The following ADAMTSL1 variants were observed in gnomAD, a reference collection of about 807,000 sequenced individuals.
ADAMTSL1 encodes ADAMTS-like protein 1.
ADAMTSL1 carries 126 observed loss-of-function variants against 201.8 expected under a neutral mutation model. That is an observed-to-expected ratio of 0.62 (90% CI 0.54 to 0.72). The LOEUF (loss-of-function observed/expected upper bound fraction) is 0.72, where lower values mean the gene tolerates loss of function less well. ADAMTSL1 is among the 30% of genes least tolerant of loss of function. ADAMTSL1 has a pLI of 0.00. For synonymous variants in ADAMTSL1, 1,121 were observed against 903.4 expected, an observed-to-expected ratio of 1.24 and a Z score of -4.32; for missense variants, 2,679 against 2,277.8, an observed-to-expected ratio of 1.18 and a Z score of -3.59.
intron 15 of ADAMTSL1, 88 bp from the exon 16 acceptor site, chr9:18,753,210 A>T: frequency 7.7e-7 from 1 of 1,301,618 alleles, no homozygotes; most frequent in Non-Finnish European, 1.1e-6. Flanking sequence ...TTTCCCAGTT[A>T]GGGGTTTTAA....
chr9:18,759,854 C>T (rs1588057598), intron 16 of ADAMTSL1, among the ~76,000 whole-genome samples: 2 of 152,312 alleles, frequency 1.3e-5, no homozygotes, highest in South Asian at 2.1e-4. Context: ...TTCTAATCCC[C>T]AAAATGGCTG....
At chr9:18,099,207 G>C (rs1003858152) in intron 1 of ADAMTSL1, among the ~76,000 whole-genome samples, 1 of 149,128 alleles carries the variant, frequency 6.7e-6, no homozygotes. Context: ...ATCTGTCTTT[G>C]AGTATTCAAA....
intron 2 of ADAMTSL1, among the ~76,000 whole-genome samples, chr9:18,237,644 A>G (rs994801002): frequency 6.6e-6 from 1 of 152,254 alleles, no homozygotes; most frequent in Non-Finnish European, 1.5e-5. Flanking sequence ...TCTATGTTAT[A>G]TAAGTGAAAC....
chr9:18,784,920 C>T (rs537734963), intron 19 of ADAMTSL1, among the ~76,000 whole-genome samples: 61 of 152,320 alleles, frequency 4.0e-4, no homozygotes, highest in Non-Finnish European at 6.2e-4. Context: ...AATCCCATCA[C>T]TTTGGGAGGC....
chr9:18,606,765 C>T (rs1825043978), intron 4 of ADAMTSL1, among the ~76,000 whole-genome samples: 1 of 152,114 alleles, frequency 6.6e-6, no homozygotes, highest in Admixed American at 6.6e-5. Context: ...CAATTCCTTC[C>T]CCCCCAGTTT....
chr9:18,027,203 T>C (rs1054121904), intron 1 of ADAMTSL1, among the ~76,000 whole-genome samples: 3 of 151,870 alleles, frequency 2.0e-5, no homozygotes, highest in African/African-American at 4.8e-5. Flanking sequence ...TTTTTGGGTC[T>C]GTATTTCATT....
intron 2 of ADAMTSL1, among the ~76,000 whole-genome samples, chr9:18,308,496 T>C (rs1833994271): frequency 6.6e-6 from 1 of 151,984 alleles, no homozygotes; most frequent in Non-Finnish European, 1.5e-5. Flanking sequence ...TAAAAAATGA[T>C]AAAGAGGATA....
intron 14 of ADAMTSL1, among the ~76,000 whole-genome samples, chr9:18,719,151 A>T (rs1393184764): frequency 6.6e-6 from 1 of 152,186 alleles, no homozygotes; most frequent in African/African-American, 2.4e-5. Context: ...CAACCAAGAG[A>T]ACACCCTGCA....
intron 19 of ADAMTSL1, among the ~76,000 whole-genome samples, chr9:18,779,736 G>A (rs919109259): frequency 2.6e-5 from 4 of 152,214 alleles, no homozygotes; most frequent in African/African-American, 9.6e-5. Flanking sequence ...AGGTCACTGA[G>A]TGGCAGCTCC....
At chr9:18,498,400 G>T (rs186775904) in intron 1 of ADAMTSL1, among the ~76,000 whole-genome samples, 2 of 145,252 alleles carry the variant, frequency 1.4e-5, no homozygotes, top group Non-Finnish European at 1.5e-5. Context: ...GCATTGGCCC[G>T]ATCTCAGCTC....
At chr9:18,908,413 C>T (rs754542110) in intron 28 of ADAMTSL1, 29 bp from the exon 29 acceptor site, 103 of 1,531,730 alleles carry the variant, frequency 6.7e-5, no homozygotes, top group Non-Finnish European at 8.5e-5. Context: ...TTTTCTGTCT[C>T]CTCTCCCGAC....
chr9:17,992,161 C>T (rs1185958537), intron 1 of ADAMTSL1, among the ~76,000 whole-genome samples: 1 of 152,128 alleles, frequency 6.6e-6, no homozygotes, highest in Non-Finnish European at 1.5e-5. Flanking sequence ...TTTTCCCACA[C>T]CCCTGTCCAG....
intron 2 of ADAMTSL1, among the ~76,000 whole-genome samples, chr9:18,337,833 C>T (rs1835306837): frequency 2.0e-5 from 3 of 152,106 alleles, no homozygotes; most frequent in East Asian, 1.9e-4. Context: ...AGACACAATA[C>T]TGAAGAGTGG....
intron 2 of ADAMTSL1, among the ~76,000 whole-genome samples, chr9:18,371,664 T>C (rs1837048218): frequency 6.6e-6 from 1 of 152,166 alleles, no homozygotes; most frequent in Non-Finnish European, 1.5e-5. Flanking sequence ...CCCCTAAAAA[T>C]TTATCAACTT....
At position 18,753,369 on chromosome 9, in the gene ADAMTSL1, G is replaced by A. The variant is rs1191593296; in HGVS notation, c.2078G>A (p.Cys693Tyr). The A allele has an allele frequency of 6.2e-7, 1 of 1,612,386 alleles. No homozygotes were observed. The highest frequency in any genetic ancestry group is 1.7e-5 in the Admixed American group (1 of 59,826). ...GVGLQTRDVF[C>Y]SHLLSREMNE... ...GGCCTACAGACCAGAGACGTCTTCT[G>A]CAGCCACCTGCTTTCCAGAGAGATG... Residue 693 changes from cysteine to tyrosine, a missense_variant, in exon 16 of 29, where the codon TGC (cysteine) becomes TAC (tyrosine). Transcript: ENST00000380548.
At chr9:18,679,772 TGATTGCAGAAGC>T (rs1830344216) in intron 10 of ADAMTSL1, among the ~76,000 whole-genome samples, 1 of 152,180 alleles carries the variant, frequency 6.6e-6, no homozygotes, top group Admixed American at 6.5e-5. Context: ...CCAAAGCTGA[TGATTGCAGAAGC>T]AAAGGAGAGT....
chr9:18,539,043 G>T (rs1456829180), intron 3 of ADAMTSL1, among the ~76,000 whole-genome samples: 1 of 152,096 alleles, frequency 6.6e-6, no homozygotes. Context: ...GCTCTTTCCA[G>T]CCAAGAGCCA....
At chr9:17,950,354 A>G (rs1827684673) in intron 1 of ADAMTSL1, among the ~76,000 whole-genome samples, 1 of 152,082 alleles carries the variant, frequency 6.6e-6, no homozygotes, top group African/African-American at 2.4e-5. Flanking sequence ...TTTGTTACAT[A>G]TTTTATTTAA....
At chr9:18,124,908 G>A (rs1825668629) in intron 1 of ADAMTSL1, among the ~76,000 whole-genome samples, 4 of 152,136 alleles carry the variant, frequency 2.6e-5, no homozygotes, top group Admixed American at 2.6e-4. Context: ...ACTGTTGAGG[G>A]TAAGATAGGA....
Sources: allele counts gnomAD v4.1 joint callset (sites outside exome capture counted in the v4.1 genomes callset), GRCh38; gene constraint gnomAD v4.1.1; transcripts MANE v1.5; gene names NCBI Gene and HGNC (gene_info 2026-07-23, HGNC 2026-07-21).